NRCAM: variants seen among roughly 807,000 people sequenced by gnomAD.
The protein encoded by NRCAM is neuronal cell adhesion molecule.
NRCAM carries 83 observed loss-of-function variants against 156.5 expected under a neutral mutation model. The ratio of observed to expected loss-of-function variants is 0.53; its 90% confidence interval spans 0.44 to 0.64. The LOEUF (loss-of-function observed/expected upper bound fraction) is 0.64, where lower values mean the gene tolerates loss of function less well. NRCAM is among the 30% of genes least tolerant of loss of function. NRCAM has a pLI of 0.00. For synonymous variants in NRCAM, 538 were observed against 563.9 expected (o/e 0.95, Z 0.65); for missense variants, 1,417 against 1,597.3 (o/e 0.89, Z 1.92).
intron 3 of NRCAM, among the ~76,000 whole-genome samples, chr7:108,285,910 G>C (rs1211015073): frequency 6.6e-6 from 1 of 152,166 alleles, no homozygotes; most frequent in East Asian, 1.9e-4. Context: ...TCCTTTCAGA[G>C]CTAGCTTCAA....
chr7:108,426,545 C>T (rs2300048), intron 1 of NRCAM, among the ~76,000 whole-genome samples: 38,185 of 152,104 alleles, frequency 0.25, 5,105 homozygotes, highest in Non-Finnish European at 0.29. Flanking sequence ...GAAGCCCACC[C>T]CCCTTATAAA....
intron 11 of NRCAM, among the ~76,000 whole-genome samples, chr7:108,222,986 G>T (rs1040888653): frequency 1.3e-5 from 2 of 152,202 alleles, no homozygotes; most frequent in Non-Finnish European, 2.9e-5. Context: ...TTTGAAGTGT[G>T]CACAACTAAG....
chr7:108,358,462 A>AT (rs36012956), intron 2 of NRCAM, among the ~76,000 whole-genome samples: 52 of 148,146 alleles, frequency 3.5e-4, no homozygotes, highest in East Asian at 3.2e-3. Context: ...ATTCCTACGT[A>AT]TTTTTTTTTT....
At chr7:108,448,406 G>C (rs183237420) in intron 1 of NRCAM, among the ~76,000 whole-genome samples, 20 of 152,310 alleles carry the variant, frequency 1.3e-4, no homozygotes, top group Admixed American at 9.1e-4. Flanking sequence ...TAGCCATCAT[G>C]CTACTAACAT....
At chr7:108,239,156 C>G (rs565227449) in intron 4 of NRCAM, among the ~76,000 whole-genome samples, 2 of 152,142 alleles carry the variant, frequency 1.3e-5, no homozygotes, top group East Asian at 3.9e-4. Flanking sequence ...GGAAAAGTGA[C>G]TGGGTGGAAC....
In NRCAM at chr7:108,295,986, C is replaced by T. The variant is rs138525214; in HGVS notation, c.-107+16679G>A. Among the ~76,000 whole-genome samples the T allele has an allele frequency of 1.0e-3, 158 of 152,330 alleles. 1 individual carries two copies. The highest frequency in any genetic ancestry group is 3.7e-3 in the African/African-American group (152 of 41,572). On this transcript the variant is annotated intron_variant, in intron 3 of 32. Coordinates refer to ENST00000379028, the MANE Select transcript of NRCAM (RefSeq NM_001037132.4). ...TTTGAAAAGGGCTTCACTGCGCTTG[C>T]TGAAGGAGTGCACTTGAGCTAGCGG...
intron 1 of NRCAM, among the ~76,000 whole-genome samples, chr7:108,433,072 TAA>T (rs1479934604): frequency 8.5e-5 from 13 of 152,324 alleles, no homozygotes; most frequent in African/African-American, 3.1e-4. Flanking sequence ...TAAGCAGGCC[TAA>T]TCATACTTGG....
At chr7:108,191,613 G>T in intron 18 of NRCAM, 116 bp downstream of exon 18, 1 of 1,252,594 alleles carries the variant, frequency 8.0e-7, no homozygotes, top group Non-Finnish European at 1.1e-6. Flanking sequence ...ACATGGGTAT[G>T]AACTCACCCA....
intron 1 of NRCAM, among the ~76,000 whole-genome samples, chr7:108,420,073 T>TC (rs1242390340): frequency 6.6e-6 from 1 of 152,088 alleles, no homozygotes. Context: ...TGTGTGTGTT[T>TC]ATTTTTAATT....
chr7:108,169,758 A>G (rs2057299610), intron 28 of NRCAM, among the ~76,000 whole-genome samples: 5 of 152,186 alleles, frequency 3.3e-5, no homozygotes, highest in African/African-American at 1.2e-4. Context: ...CAATGACAGT[A>G]AATATGCACA....
rs62469211 is a variant in NRCAM at position 108,323,482 on chromosome 7, T to C, written c.-173-10751A>G. 3.1e-3 allele frequency among the ~76,000 whole-genome samples: 477 copies of C among 152,312 alleles called. 1 individual carries two copies. The Middle Eastern group carries it at 0.044, about 14-fold the overall frequency. ...GGATGTGGGCTGTGTATTCACCAAATCTCTTTCATTTTAAGAATTTTATCC... is the reference window on the plus strand; with the variant it reads ...GGATGTGGGCTGTGTATTCACCAAACCTCTTTCATTTTAAGAATTTTATCC... On this transcript the variant is annotated intron_variant, in intron 2 of 32. Coordinates refer to ENST00000379028, the MANE Select transcript of NRCAM (RefSeq NM_001037132.4).
At chr7:108,450,395 A>T (rs1397337498) in intron 1 of NRCAM, among the ~76,000 whole-genome samples, 1 of 152,070 alleles carries the variant, frequency 6.6e-6, no homozygotes, top group East Asian at 1.9e-4. Context: ...TTGACACCAC[A>T]TCTTTTTTAT....
intron 13 of NRCAM, among the ~76,000 whole-genome samples, chr7:108,203,872 G>A (rs1429157760): frequency 2.0e-5 from 3 of 152,210 alleles, no homozygotes; most frequent in African/African-American, 7.2e-5. Context: ...GCCAGCTTGT[G>A]CTCCCAGCTC....
chr7:108,304,019 A>G (rs1303438884), intron 3 of NRCAM, among the ~76,000 whole-genome samples: 1 of 152,192 alleles, frequency 6.6e-6, no homozygotes, highest in Non-Finnish European at 1.5e-5. Flanking sequence ...TTATGAATGA[A>G]TGTATAAATG....
chr7:108,322,085 CATT>C (rs1411306439), intron 2 of NRCAM, among the ~76,000 whole-genome samples: 1 of 152,050 alleles, frequency 6.6e-6, no homozygotes, highest in East Asian at 1.9e-4. Context: ...AAATAAATCT[CATT>C]ATAAAGATGA....
chr7:108,337,741 A>AGCCTGCCACCATCTGGGAAGCG (rs909667307), intron 2 of NRCAM, among the ~76,000 whole-genome samples: 6 of 152,006 alleles, frequency 3.9e-5, no homozygotes, highest in Admixed American at 6.6e-5. Context: ...TCTTGGAAGC[A>AGCCTGCCACCATCTGGGAAGCG]GCCTGCCACC....
At chr7:108,444,088 A>AT (rs1841847029) in intron 1 of NRCAM, among the ~76,000 whole-genome samples, 1 of 152,032 alleles carries the variant, frequency 6.6e-6, no homozygotes, top group Non-Finnish European at 1.5e-5. Flanking sequence ...AAATAAATAA[A>AT]ACAATGCAAC....
chr7:108,346,574 C>G (rs1241757208), intron 2 of NRCAM, among the ~76,000 whole-genome samples: 1 of 152,114 alleles, frequency 6.6e-6, no homozygotes, highest in Non-Finnish European at 1.5e-5. Context: ...ATTCTTTTAT[C>G]CTACCTCCTA....
intron 2 of NRCAM, among the ~76,000 whole-genome samples, chr7:108,340,262 C>T (rs1048026676): frequency 6.6e-6 from 1 of 152,210 alleles, no homozygotes; most frequent in Non-Finnish European, 1.5e-5. Context: ...TTTATGCCCC[C>T]TCCAAGCAGT....
Sources: allele counts gnomAD v4.1 joint callset (sites outside exome capture counted in the v4.1 genomes callset), GRCh38; gene constraint gnomAD v4.1.1; transcripts MANE v1.5; gene names NCBI Gene and HGNC (gene_info 2026-07-23, HGNC 2026-07-21).